LEKR1: variants seen among roughly 807,000 people sequenced by gnomAD.
The protein encoded by LEKR1 is leucine, glutamate and lysine rich 1.
LEKR1 carries 59 observed loss-of-function variants against 72.4 expected under a neutral mutation model. The ratio of observed to expected loss-of-function variants is 0.82; its 90% CI spans 0.66 to 1.01. The LOEUF (loss-of-function observed/expected upper bound fraction) is 1.01. Among genes scored for constraint, LEKR1 ranks in the 50% least tolerant of loss-of-function variants. The pLI is 0.00. For missense variants in LEKR1, 728 were observed against 759.2 expected (o/e 0.96, Z 0.48); for synonymous variants, 257 against 263.2 (o/e 0.98, Z 0.23).
intron 12 of LEKR1, among the ~76,000 whole-genome samples, chr3:157,031,412 C>T (rs115323199): frequency 0.011 from 1,614 of 152,020 alleles, 29 homozygotes; most frequent in Non-Finnish European, 0.012. Context: ...TTTGTGGGAG[C>T]GGGGAGGGTA....
chr3:156,879,249 T>G (rs1167106576), intron 3 of LEKR1, among the ~76,000 whole-genome samples: 1 of 152,206 alleles, frequency 6.6e-6, no homozygotes, highest in Non-Finnish European at 1.5e-5. Context: ...AAATCCAGGT[T>G]GAGGTGGTCT....
rs539304036 is a variant in LEKR1, at chr3:157,038,516, C to T, written c.1669-6824C>T. On this transcript the variant is annotated intron_variant, in intron 12 of 12. Coordinates refer to ENST00000356539, the MANE Select transcript of LEKR1 (RefSeq NM_001004316.3). The stretch of plus-strand genomic sequence containing the variant: ...TAACCCTTGGGACTGAATGAGATCA[C>T]CCAGAGGATGAGGTAATAGAGCAAG... Among the ~76,000 whole-genome samples the T allele has an allele frequency of 1.3e-4, 20 of 152,210 alleles. No individual in the cohort carries two copies. In the East Asian group the frequency reaches 3.7e-3, roughly 28 times the overall value.
chr3:156,883,488 A>G (rs1334341765), intron 3 of LEKR1, among the ~76,000 whole-genome samples: 2 of 152,126 alleles, frequency 1.3e-5, no homozygotes. Flanking sequence ...AGGGGTCAGG[A>G]GTAGAATGAT....
chr3:156,958,638 G>C (rs1461139014), intron 6 of LEKR1, among the ~76,000 whole-genome samples: 1 of 152,016 alleles, frequency 6.6e-6, no homozygotes, highest in Non-Finnish European at 1.5e-5. Context: ...ACCTTGGGCT[G>C]ACCATGTCCT....
chr3:156,969,811 C>T (rs1194097640), intron 6 of LEKR1, among the ~76,000 whole-genome samples: 1 of 152,034 alleles, frequency 6.6e-6, no homozygotes, highest in Non-Finnish European at 1.5e-5. Flanking sequence ...CTGGCAGAGA[C>T]ACAACAAAAA....
At chr3:156,965,625 C>T (rs1728498970) in intron 6 of LEKR1, among the ~76,000 whole-genome samples, 1 of 151,934 alleles carries the variant, frequency 6.6e-6, no homozygotes, top group Non-Finnish European at 1.5e-5. Context: ...TATTTTAGTC[C>T]CTTCTAGGAT....
intron 3 of LEKR1, among the ~76,000 whole-genome samples, chr3:156,880,900 C>T (rs1719236763): frequency 6.6e-6 from 1 of 151,988 alleles, no homozygotes; most frequent in Non-Finnish European, 1.5e-5. Flanking sequence ...AAACAAAAAC[C>T]ACATGATTAT....
chr3:156,899,786 A>G (rs57007838), intron 3 of LEKR1, among the ~76,000 whole-genome samples: 2,965 of 96,428 alleles, frequency 0.031, 271 homozygotes, highest in African/African-American at 0.095. Flanking sequence ...ACATATATAC[A>G]CATATATACA....
chr3:156,954,847 T>C (rs982401306), intron 6 of LEKR1, among the ~76,000 whole-genome samples: 1 of 152,112 alleles, frequency 6.6e-6, no homozygotes, highest in Non-Finnish European at 1.5e-5. Flanking sequence ...CAGGCTCTTT[T>C]AGGTTCCATA....
In LEKR1 at chr3:156,861,552, C is replaced by G. The variant is rs552321250; in HGVS notation, c.263+8570C>G. Among the ~76,000 whole-genome samples, 6 of 152,058 alleles carry G rather than the reference C, an allele frequency of 3.9e-5. 1 individual carries two copies. The South Asian group carries it at 1.2e-3, about 32-fold the overall frequency. On this transcript the variant is annotated intron_variant, in intron 3 of 12. Coordinates refer to ENST00000356539, the MANE Select transcript of LEKR1 (RefSeq NM_001004316.3). The stretch of plus-strand genomic sequence containing the variant: ...TTTTGGGGTGTGGTAAGAATTCCTA[C>G]AGTAAAATGAGGACTGTTACTGATG...
At chr3:156,967,485 C>A (rs1576915058) in intron 6 of LEKR1, among the ~76,000 whole-genome samples, 1 of 152,092 alleles carries the variant, frequency 6.6e-6, no homozygotes. Context: ...AATGCACAAG[C>A]CTCATTAGCC....
At chr3:156,973,121 T>G (rs1356561951) in intron 6 of LEKR1, among the ~76,000 whole-genome samples, 2 of 152,170 alleles carry the variant, frequency 1.3e-5, no homozygotes, top group Non-Finnish European at 2.9e-5. Flanking sequence ...TCTTAGGCAC[T>G]TAATTCTAAA....
In LEKR1 at chr3:157,045,912, T is replaced by A. The variant is rs1408659794; in HGVS notation, c.*162T>A. 6.2e-6 allele frequency: 4 copies of A among 647,192 alleles called. No individual in the cohort carries two copies. The highest frequency in any genetic ancestry group is 7.7e-6 in the Non-Finnish European group (3 of 390,038). 40.1% of individuals were successfully genotyped at this position (647,192 alleles called of 1,614,324 possible). Reference sequence around the variant, plus strand: ...AAAAGACTGTAAAAAGCTGGAAAATTGTGAAGCCTTATTTTTCAAGAGGGT... The same window carrying A: ...AAAAGACTGTAAAAAGCTGGAAAATAGTGAAGCCTTATTTTTCAAGAGGGT... On this transcript the variant is annotated 3_prime_UTR_variant, in exon 13 of 13. Coordinates refer to ENST00000356539, the MANE Select transcript of LEKR1 (RefSeq NM_001004316.3).
intron 6 of LEKR1, among the ~76,000 whole-genome samples, chr3:156,964,942 A>G (rs1445175652): frequency 6.6e-6 from 1 of 152,054 alleles, no homozygotes; most frequent in Non-Finnish European, 1.5e-5. Context: ...GTTTTCAGCT[A>G]ATATTCTGTT....
chr3:157,010,959 G>A (rs1732843152), intron 9 of LEKR1, among the ~76,000 whole-genome samples: 1 of 152,046 alleles, frequency 6.6e-6, no homozygotes, highest in Non-Finnish European at 1.5e-5. Context: ...AATTTCACAG[G>A]AACTGCTAAC....
chr3:157,029,644 C>T (rs1734460958), intron 12 of LEKR1, among the ~76,000 whole-genome samples: 1 of 152,038 alleles, frequency 6.6e-6, no homozygotes, highest in Non-Finnish European at 1.5e-5. Context: ...GCAGCTCAGT[C>T]CCCCCAATGA....
chr3:156,829,913 T>A (rs1712141461), intron 2 of LEKR1, among the ~76,000 whole-genome samples: 1 of 151,984 alleles, frequency 6.6e-6, no homozygotes, highest in Non-Finnish European at 1.5e-5. Flanking sequence ...ATTGAAAAAA[T>A]TAAGAAAAAG....
intron 3 of LEKR1, among the ~76,000 whole-genome samples, chr3:156,897,245 G>A (rs868640800): frequency 1.3e-5 from 2 of 152,122 alleles, no homozygotes; most frequent in Admixed American, 6.6e-5. Flanking sequence ...GATGGTATTC[G>A]GAGATGGGGC....
At chr3:156,970,456 G>C (rs542367528) in intron 6 of LEKR1, among the ~76,000 whole-genome samples, 11 of 152,194 alleles carry the variant, frequency 7.2e-5, no homozygotes, top group African/African-American at 2.4e-4. Flanking sequence ...GGTTTTTATG[G>C]TTTTAGGTCT....
Sources: gnomAD v4.1 joint callset for allele counts (sites outside exome capture counted in the v4.1 genomes callset) on GRCh38, gnomAD v4.1.1 for gene constraint, MANE v1.5 for transcripts, NCBI Gene and HGNC (gene_info 2026-07-23, HGNC 2026-07-21) for gene names.